Variants in PRRX2 observed in about 807,000 individuals in gnomAD.
The protein encoded by PRRX2 is paired mesoderm homeobox protein 2.
Under a neutral mutation model 18.0 loss-of-function variants are expected in PRRX2, and 11 were observed. The observed-to-expected ratio is 0.61, with a 90% CI of 0.39 to 1.01. PRRX2 has a LOEUF of 1.01. PRRX2 is among the 50% of genes least tolerant of loss of function. The pLI is 0.01. For synonymous variants in PRRX2, 177 were observed against 154.8 expected (o/e 1.14, Z -1.06); for missense variants, 387 against 351.0 (o/e 1.10, Z -0.82).
intron 2 of PRRX2, 27 bp downstream of exon 2, chr9:129,719,445 T>C: frequency 6.8e-7 from 1 of 1,481,336 alleles, no homozygotes; most frequent in South Asian, 1.3e-5. Flanking sequence ...GGGCCTCCCG[T>C]GGGAGCGTGC....
intron 1 of PRRX2, among the ~76,000 whole-genome samples, chr9:129,667,070 G>T (rs1434315302): frequency 6.6e-6 from 1 of 152,242 alleles, no homozygotes; most frequent in East Asian, 1.9e-4. Flanking sequence ...GACAGGAGGT[G>T]CAGGGAAAAC....
intron 1 of PRRX2, among the ~76,000 whole-genome samples, chr9:129,707,596 G>C (rs143642617): frequency 0.083 from 12,665 of 152,054 alleles, 733 homozygotes; most frequent in African/African-American, 0.16. Flanking sequence ...TTCGAGACCA[G>C]CCTGGCCAAC....
intron 1 of PRRX2, among the ~76,000 whole-genome samples, chr9:129,681,204 G>A (rs1453102746): frequency 6.6e-6 from 1 of 152,266 alleles, no homozygotes; most frequent in Admixed American, 6.5e-5. Flanking sequence ...CTAGGACACT[G>A]AGGTCCAAGC....
At chr9:129,707,583 G>A (rs1349028184) in intron 1 of PRRX2, among the ~76,000 whole-genome samples, 2 of 151,976 alleles carry the variant, frequency 1.3e-5, no homozygotes, top group Non-Finnish European at 2.9e-5. Flanking sequence ...CTGAGGTCAG[G>A]AGTTCGAGAC....
rs1360844210 is a variant in PRRX2 at position 129,720,710 on chromosome 9, G to A, written c.562G>A (p.Val188Met). Residue 188 changes from valine (V) to methionine (M), a missense_variant, in exon 3 of 4, where the codon GTG becomes ATG. By Grantham distance (21) the Val-to-Met change is conservative. Coordinates refer to ENST00000372469, the MANE Select transcript of PRRX2 (RefSeq NM_016307.4). ...YSQEAAIEQP[V>M]APRPTALSPD... is the part of the protein sequence containing the mutation. ...CCAGGAGGCCGCCATCGAGCAGCCC[G>A]TGGCTCCCCGGCCCACCGCCCTGAG... is the stretch of plus-strand genomic sequence containing the variant. 6 of 1,612,874 alleles carry A rather than the reference G, an allele frequency of 3.7e-6. No individual in the cohort carries two copies. The highest frequency in any genetic ancestry group is 1.7e-5 in the Admixed American group (1 of 59,924).
rs370437300 is a variant in PRRX2 at position 129,720,982 on chromosome 9, CATGTGT to C, written c.626+209_626+214del. On this transcript the variant is annotated intron_variant, in intron 3 of 3. Coordinates refer to ENST00000372469, the MANE Select transcript of PRRX2 (RefSeq NM_016307.4). ...TGCACGTGCATGTTGTAAGAGTTGG[CATGTGT>C]GTGTGTGTCAACGTACATGTGGGCA... 2.1e-3 allele frequency among the ~76,000 whole-genome samples: 317 copies of C among 151,878 alleles called. 1 individual carries two copies. Among genetic ancestry groups the C allele is most frequent in the African/African-American group, 7.2e-3 (296 of 41,156 alleles).
chr9:129,676,009 C>T (rs1271142044), intron 1 of PRRX2, among the ~76,000 whole-genome samples: 3 of 152,194 alleles, frequency 2.0e-5, no homozygotes, highest in Non-Finnish European at 4.4e-5. Flanking sequence ...AGTGGGCAGC[C>T]GGTGGGCAAC....
chr9:129,720,598 C>G lies in PRRX2; in HGVS notation c.450C>G (p.Val150=), dbSNP rs2130938112. 6.2e-7 allele frequency: 1 copy of G among 1,605,446 alleles called. No individual in the cohort carries two copies. The change falls in exon 3 of 4, where the codon GTC becomes GTG. Residue 150 remains valine, a splice_region_variant and synonymous_variant. Transcript: ENST00000372469. ...RVNLSEARVQ[V]WFQNRRAKFR... is the part of the protein sequence containing the mutation. ...CCTGCTCACCCTCCCACCCACAGGTCTGGTTTCAGAACCGCCGCGCCAAGT... is the reference window on the plus strand; with the variant it reads ...CCTGCTCACCCTCCCACCCACAGGTGTGGTTTCAGAACCGCCGCGCCAAGT...
intron 1 of PRRX2, among the ~76,000 whole-genome samples, chr9:129,676,466 G>C (rs748359447): frequency 6.6e-6 from 1 of 152,190 alleles, no homozygotes; most frequent in Non-Finnish European, 1.5e-5. Context: ...CTGCAATCGT[G>C]GTTACAGCTG....
intron 1 of PRRX2, among the ~76,000 whole-genome samples, chr9:129,697,092 C>T (rs548881572): frequency 4.2e-4 from 64 of 152,348 alleles, no homozygotes; most frequent in African/African-American, 1.3e-3. Flanking sequence ...GCGCCCGGCC[C>T]GGCCTGGCCC....
intron 3 of PRRX2, among the ~76,000 whole-genome samples, chr9:129,721,546 C>T (rs970854839): frequency 6.6e-6 from 1 of 151,980 alleles, no homozygotes; most frequent in African/African-American, 2.4e-5. Context: ...TTCATCGTTA[C>T]AGGGGGCAGG....
intron 1 of PRRX2, among the ~76,000 whole-genome samples, chr9:129,705,149 C>CA (rs1343219085): frequency 6.7e-6 from 1 of 149,492 alleles, no homozygotes; most frequent in Non-Finnish European, 1.5e-5. Flanking sequence ...ACCCACCCCG[C>CA]ACCCCATTCC....
chr9:129,716,540 C>T (rs1375350086), intron 1 of PRRX2, among the ~76,000 whole-genome samples: 1 of 151,770 alleles, frequency 6.6e-6, no homozygotes, highest in Non-Finnish European at 1.5e-5. Flanking sequence ...TAGCAACCTC[C>T]ACCCCACAGG....
chr9:129,682,080 T>C (rs1417546459), intron 1 of PRRX2, among the ~76,000 whole-genome samples: 1 of 151,980 alleles, frequency 6.6e-6, no homozygotes, highest in African/African-American at 2.4e-5. Flanking sequence ...GTTGGCCAAA[T>C]GCCCGTGGCC....
In PRRX2 at chr9:129,695,290, A is replaced by C. The variant is rs1158917428; in HGVS notation, c.260-23941A>C. Among the ~76,000 whole-genome samples the C allele has an allele frequency of 1.3e-5, 2 of 152,220 alleles. No individual in the cohort carries two copies. Among genetic ancestry groups the C allele is most frequent in the Non-Finnish European group, 2.9e-5 (2 of 68,034 alleles). On this transcript the variant is annotated intron_variant, in intron 1 of 3. Transcript: ENST00000372469. This position sits in a 1 kb window ranked among gnomAD's most constrained non-coding sequence, Gnocchi z 4.8. ...AAGGGGGACAGAGGAGAGGCCATGG[A>C]GGAGAAGGAAAGGCAAGAGGACAGA...
intron 1 of PRRX2, among the ~76,000 whole-genome samples, 157 bp downstream of exon 1, chr9:129,666,283 G>A (rs1157618516): frequency 6.6e-6 from 1 of 151,976 alleles, no homozygotes; most frequent in Non-Finnish European, 1.5e-5. Flanking sequence ...GGTGGACGGC[G>A]GTTGACCAGC....
chr9:129,715,889 C>T lies in PRRX2; in HGVS notation c.260-3342C>T, dbSNP rs1832700784. Among the ~76,000 whole-genome samples the T allele has an allele frequency of 6.6e-6, 1 of 152,048 alleles. No homozygotes were observed. Among genetic ancestry groups the T allele is most frequent in the Admixed American group, 6.6e-5 (1 of 15,254 alleles). On this transcript the variant is annotated intron_variant, in intron 1 of 3. Transcript: ENST00000372469. This position sits in a 1 kb window ranked among gnomAD's most constrained non-coding sequence, Gnocchi z 4.0. ...TCCTAACCTGGGAACTGATTAAAAG[C>T]AGATATTCAGCAGTACCCATCACTG...
intron 1 of PRRX2, among the ~76,000 whole-genome samples, chr9:129,700,945 T>C (rs1182917691): frequency 1.3e-5 from 2 of 152,240 alleles, no homozygotes; most frequent in Non-Finnish European, 2.9e-5. Context: ...TGGGCTGGCC[T>C]GTTCTGACCA....
intron 1 of PRRX2, among the ~76,000 whole-genome samples, chr9:129,684,996 T>C (rs1832285252): frequency 6.6e-6 from 1 of 152,234 alleles, no homozygotes; most frequent in Non-Finnish European, 1.5e-5. Flanking sequence ...CAACTGCCAC[T>C]GGGCCACCCT....
Sources: gnomAD v4.1 joint callset for allele counts (sites outside exome capture counted in the v4.1 genomes callset) on GRCh38, gnomAD v4.1.1 for gene constraint, Gnocchi (gnomAD v3.1) non-coding constraint, MANE v1.5 for transcripts, NCBI Gene and HGNC (gene_info 2026-07-23, HGNC 2026-07-21) for gene names.